Variants in COL12A1 observed in about 807,000 individuals in gnomAD.
The protein encoded by COL12A1 is collagen alpha-1(XII) chain.
A neutral mutation model predicts 349.7 loss-of-function variants in COL12A1; 114 were observed. The ratio of observed to expected loss-of-function variants is 0.33; its 90% CI spans 0.28 to 0.38. The LOEUF (loss-of-function observed/expected upper bound fraction) is 0.38, where lower values mean the gene tolerates loss of function less well. COL12A1 is among the 10% of genes least tolerant of loss of function. COL12A1 has a pLI of 1.00. For missense variants in COL12A1, 3,284 were observed against 3,756.9 expected (o/e 0.87, Z 3.29); for synonymous variants, 1,369 against 1,329.0 (o/e 1.03, Z -0.66).
chr6:75,113,774 G>C, intron 49 of COL12A1, 30 bp from the exon 50 acceptor site: 2 of 1,505,330 alleles, frequency 1.3e-6, no homozygotes, highest in Non-Finnish European at 1.8e-6. Context: ...AAAGAAAAAG[G>C]AGAGGAAAGA....
rs924983869 is a variant in COL12A1, at chr6:75,155,952, G to T, written c.3251-98C>A. The T allele has an allele frequency of 2.1e-5, 27 of 1,266,622 alleles. No individual in the cohort carries two copies. In the African/African-American group the frequency reaches 3.8e-4, roughly 18 times the overall value. 78.5% of individuals were successfully genotyped at this position (1,266,622 alleles called of 1,614,324 possible). ...ACAAAAATGCATATCCATAAAAAGG[G>T]TTTAAGTCCGGTAGCACAAAATAGC... is the stretch of plus-strand genomic sequence containing the variant. On this transcript the variant is annotated intron_variant, in intron 15 of 65. Transcript: ENST00000322507.
At position 75,084,566 on chromosome 6, in the gene COL12A1, A is replaced by T. The variant is rs1023986172; in HGVS notation, c.*1981T>A. 3.3e-5 allele frequency: 5 copies of T among 152,702 alleles called. No homozygotes were observed. Among genetic ancestry groups the T allele is most frequent in the African/African-American group, 1.2e-4 (5 of 41,468 alleles). The allele number at this position is 152,702 out of a possible 1,614,324, so 9.5% of individuals were successfully genotyped here. On this transcript the variant is annotated 3_prime_UTR_variant, in exon 66 of 66. Transcript: ENST00000322507. ...TCTGCAGAATAATCTGCAATTTGGT[A>T]TAAATGTTAGTGTGTCTAAAACAAG...
chr6:75,133,796 C>G (rs1392603574), intron 33 of COL12A1, 62 bp downstream of exon 33: 4 of 1,590,636 alleles, frequency 2.5e-6, no homozygotes, highest in Non-Finnish European at 2.6e-6. Context: ...TTCAGTTCCA[C>G]TTTTAAATCA....
intron 5 of COL12A1, among the ~76,000 whole-genome samples, chr6:75,191,210 C>G (rs961320227): frequency 7.2e-5 from 11 of 151,946 alleles, no homozygotes; most frequent in Non-Finnish European, 1.5e-4. Flanking sequence ...TCAACTAAGG[C>G]CATGTAAATA....
In COL12A1 at chr6:75,090,220, G is replaced by A. The variant is rs199702595; in HGVS notation, c.8831C>T (p.Pro2944Leu). ...GCTACCAGGAGGTCCCGGTGGACCC[G>A]GCGGGCCTGGCTGGTTGCGACTGGA... ...YQSSRNQPGP[P>L]GPPGPPGSAG... Residue 2944 changes from proline to leucine, a missense_variant, in exon 63 of 66, where the codon CCG becomes CTG. This residue lies in a region of COL12A1 where 683 missense variants were observed against 932.1 expected (regional missense o/e 0.73). Transcript: ENST00000322507. The surrounding 1 kb of genome is among the most constrained non-coding windows in gnomAD (Gnocchi z 4.1). The A allele has an allele frequency of 2.5e-4, 398 of 1,614,000 alleles. No homozygotes were observed. The highest frequency in any genetic ancestry group is 2.7e-4 in the Non-Finnish European group (321 of 1,179,982).
intron 59 of COL12A1, 35 bp downstream of exon 59, chr6:75,097,218 G>C (rs375797670): frequency 5.3e-5 from 85 of 1,601,476 alleles, no homozygotes; most frequent in Non-Finnish European, 6.7e-5. Flanking sequence ...GGGTGGGAGT[G>C]AAGGGCACAA....
At chr6:75,141,216 A>G (rs1405086211) in intron 27 of COL12A1, among the ~76,000 whole-genome samples, 3 of 152,100 alleles carry the variant, frequency 2.0e-5, no homozygotes, top group African/African-American at 7.2e-5. Flanking sequence ...TTTTACTACT[A>G]TTTGCTTTAT....
chr6:75,178,739 G>A (rs576001855), intron 11 of COL12A1, among the ~76,000 whole-genome samples: 5 of 152,226 alleles, frequency 3.3e-5, no homozygotes, highest in South Asian at 2.1e-4. Context: ...AGCACAACAC[G>A]CCTGGCAAAT....
chr6:75,134,115 G>T, intron 32 of COL12A1, 118 bp from the exon 33 acceptor site: 1 of 1,138,374 alleles, frequency 8.8e-7, no homozygotes, highest in Non-Finnish European at 1.2e-6. Flanking sequence ...ACAAACATTT[G>T]TTGAAGTAGT....
rs891572328 is a variant in COL12A1 at position 75,090,804 on chromosome 6, A to G, written c.8753-506T>C. 2.6e-5 allele frequency among the ~76,000 whole-genome samples: 4 copies of G among 152,230 alleles called. No individual in the cohort carries two copies. The highest frequency in any genetic ancestry group is 4.8e-5 in the African/African-American group (2 of 41,474). ...CAGGAACTCACTTCTAACAAGCAAC[A>G]TAAGTGATTCTAAGGCAGGTGTTCC... On this transcript the variant is annotated intron_variant, in intron 62 of 65. Coordinates refer to ENST00000322507, the MANE Select transcript of COL12A1 (RefSeq NM_004370.6). The surrounding 1 kb of genome is among the most constrained non-coding windows in gnomAD (Gnocchi z 4.1).
rs571941820 is a variant in COL12A1 at position 75,171,175 on chromosome 6, T to G, written c.2710+3863A>C. Among the ~76,000 whole-genome samples, 42 of 152,362 alleles carry G rather than the reference T, an allele frequency of 2.8e-4. 1 individual carries two copies. The Middle Eastern group carries it at 0.01, about 37-fold the overall frequency. On this transcript the variant is annotated intron_variant, in intron 13 of 65. Transcript: ENST00000322507. ...AGTTCAATTACATATACAGTAGGGT[T>G]GTTGTAATTACATTGTCTAACTGCT... is the stretch of plus-strand genomic sequence containing the variant.
Position 75,131,000 on chromosome 6 carries a change from C to G in COL12A1, c.5938-19G>C. ...CTACTATCTGCAGGAGAGGAAATGC[C>G]AAATTCTGCCTGACAACAACTCAAA... On this transcript the variant is annotated intron_variant, in intron 35 of 65. Transcript: ENST00000322507. The G allele has an allele frequency of 6.2e-7, 1 of 1,613,894 alleles. No homozygotes were observed. The highest frequency in any genetic ancestry group is 2.2e-5 in the East Asian group (1 of 44,870).
At chr6:75,096,053 C>A (rs945504504) in intron 59 of COL12A1, among the ~76,000 whole-genome samples, 1 of 152,160 alleles carries the variant, frequency 6.6e-6, no homozygotes, top group Non-Finnish European at 1.5e-5. Flanking sequence ...ATCATGTCAG[C>A]ACCCTTAACC....
chr6:75,105,558 G>T (rs992883595), intron 53 of COL12A1, among the ~76,000 whole-genome samples: 1 of 151,898 alleles, frequency 6.6e-6, no homozygotes, highest in South Asian at 2.1e-4. Context: ...CTCTAATCCA[G>T]TGTTAGAGAC....
At position 75,181,084 on chromosome 6, in the gene COL12A1, A is replaced by G. The variant is rs1769254351; in HGVS notation, c.2019T>C (p.Asp673=). ...ATGCTGGCTCCACCACAGTGACCTC[A>G]TCATCCCCAGCCGCTTCCTTGTAGG... The part of the protein sequence containing the change: ...HITYKEAAGD[D]EVTVVEPASS... The change falls in exon 11 of 66, where the codon GAT becomes GAC. Residue 673 remains aspartate (D), a synonymous_variant. Coordinates refer to ENST00000322507, the MANE Select transcript of COL12A1 (RefSeq NM_004370.6). 2 of 1,614,114 alleles carry G rather than the reference A, an allele frequency of 1.2e-6. No homozygotes were observed. Among genetic ancestry groups the G allele is most frequent in the Non-Finnish European group, 1.7e-6 (2 of 1,180,004 alleles).
intron 13 of COL12A1, 39 bp from the exon 14 acceptor site, chr6:75,165,818 T>C: frequency 1.3e-6 from 2 of 1,580,266 alleles, no homozygotes; most frequent in Non-Finnish European, 1.7e-6. Flanking sequence ...TTTAAAAATG[T>C]CTAGTAGGTA....
chr6:75,192,872 T>A (rs1353788732), intron 3 of COL12A1, among the ~76,000 whole-genome samples: 1 of 152,062 alleles, frequency 6.6e-6, no homozygotes, highest in African/African-American at 2.4e-5. Flanking sequence ...CTACATGCCT[T>A]AATGGGTAAC....
rs11289042 is a variant in COL12A1, at chr6:75,087,281, GAA to G, written c.9181+294_9181+295del. On this transcript the variant is annotated intron_variant, in intron 65 of 65. Coordinates refer to ENST00000322507, the MANE Select transcript of COL12A1 (RefSeq NM_004370.6). ...TCCCTGTTCCCAATCTTGGGGAAAA[GAA>G]AAAAAAAAAGTCAATTACTAGCATG... The G allele has an allele frequency of 2.3e-3, 695 of 303,424 alleles. 1 individual carries two copies. Among genetic ancestry groups the G allele is most frequent in the South Asian group, 7.0e-3 (56 of 8,042 alleles). The allele number at this position is 303,424 out of a possible 1,614,324, so 18.8% of individuals were successfully genotyped here.
Position 75,101,611 on chromosome 6 carries a change from G to A in COL12A1, c.8512C>T (p.Pro2838Ser). ...TCAAGAAAACTTACTCTGTCTCCTG[G>A]AGGTCCCATTGGTCCTGGTGGGCCA... is the stretch of plus-strand genomic sequence containing the variant. Reference protein sequence around the residue: ...LPGPPGPMGPPGDRGFTGKDG... With the variant: ...LPGPPGPMGPSGDRGFTGKDG... Residue 2838 changes from proline (P) to serine (S), a missense_variant, in exon 58 of 66, where the codon CCA becomes TCA. Coordinates refer to ENST00000322507, the MANE Select transcript of COL12A1 (RefSeq NM_004370.6). The A allele has an allele frequency of 6.2e-7, 1 of 1,613,706 alleles. No individual in the cohort carries two copies. Among genetic ancestry groups the A allele is most frequent in the Middle Eastern group, 1.6e-4 (1 of 6,062 alleles).
Sources: gnomAD v4.1 joint callset for allele counts (sites outside exome capture counted in the v4.1 genomes callset) on GRCh38, gnomAD v4.1.1 for gene constraint, gnomAD v4.1.1 regional missense constraint, Gnocchi (gnomAD v3.1) non-coding constraint, MANE v1.5 for transcripts, NCBI Gene and HGNC (gene_info 2026-07-23, HGNC 2026-07-21) for gene names.